DMD: variants seen among roughly 807,000 people sequenced by gnomAD.
DMD encodes the protein mutant dystrophin.
A neutral mutation model predicts 330.1 loss-of-function variants in DMD; 63 were observed. That is an observed-to-expected ratio of 0.19 (90% CI 0.16 to 0.24). The LOEUF (loss-of-function observed/expected upper bound fraction) is 0.24, where lower values mean the gene tolerates loss of function less well. DMD is among the 10% of genes least tolerant of loss of function. The pLI, the probability that DMD is intolerant of heterozygous loss-of-function variation, is 1.00. For missense variants in DMD, 3,344 were observed against 2,684.1 expected (o/e 1.25, Z -5.43); for synonymous variants, 1,223 against 959.8 (o/e 1.27, Z -5.07).
chrX:32,084,905 G>A (rs2096419302), intron 44 of DMD, among the ~76,000 whole-genome samples: 2 of 111,135 alleles, frequency 1.8e-5, no homozygotes, highest in Non-Finnish European at 3.8e-5. Context: ...GAGCTGAGAG[G>A]CGCAGAGAAG....
intron 63 of DMD, 61 bp from the exon 64 acceptor site, chrX:31,223,182 C>G (rs1007120117): frequency 3.0e-5 from 31 of 1,026,149 alleles, no homozygotes; most frequent in Non-Finnish European, 3.6e-5. Context: ...ACAACCCACC[C>G]CCGACGCCCA....
chrX:32,698,335 A>C (rs1421430386), intron 8 of DMD, among the ~76,000 whole-genome samples: 1 of 111,457 alleles, frequency 9.0e-6, no homozygotes, highest in African/African-American at 3.3e-5. Context: ...TCTAAATCCA[A>C]AGTAAATAAA....
rs7888825 is a variant in DMD, at chrX:32,463,896, C to T, written c.3277-302G>A. Among the ~76,000 whole-genome samples, 6,510 of 111,367 alleles carry T rather than the reference C, an allele frequency of 0.058. 493 individuals carry two copies. Among genetic ancestry groups the T allele is most frequent in the African/African-American group, 0.2 (6,147 of 30,525 alleles). On this transcript the variant is annotated intron_variant, in intron 24 of 78. Coordinates refer to ENST00000357033, the MANE Select transcript of DMD (RefSeq NM_004006.3). ...ATGTGTGAAAATGATGGGCTTCATA[C>T]TTTATTATCTTTGTTAGTATTTTCA...
At chrX:31,440,397 C>A (rs55916409) in intron 60 of DMD, among the ~76,000 whole-genome samples, 7,895 of 111,018 alleles carry the variant, frequency 0.071, 238 homozygotes, top group East Asian at 0.2. Flanking sequence ...GATCCACCCG[C>A]CTCACCCTCC....
intron 60 of DMD, among the ~76,000 whole-genome samples, chrX:31,408,711 TTTTTGTTTTG>T (rs201114840): frequency 0.4 from 43,648 of 108,884 alleles, 7,209 homozygotes; most frequent in East Asian, 0.75. Context: ...TTTGAACTTT[TTTTTGTTTTG>T]TTTTGTTTTG....
At chrX:32,802,632 T>G (rs2076661378) in intron 7 of DMD, among the ~76,000 whole-genome samples, 1 of 111,691 alleles carries the variant, frequency 9.0e-6, no homozygotes, top group Non-Finnish European at 1.9e-5. Flanking sequence ...TAGCTCTTAT[T>G]TTGAGACACA....
At chrX:32,565,936 T>C in intron 15 of DMD, 55 bp from the exon 16 acceptor site, 1 of 1,040,886 alleles carries the variant, frequency 9.6e-7, no homozygotes. Flanking sequence ...CATACACCAC[T>C]ATAGTTCAAT....
chrX:33,081,529 C>G (rs780328023), intron 1 of DMD, among the ~76,000 whole-genome samples: 3 of 112,281 alleles, frequency 2.7e-5, no homozygotes, highest in African/African-American at 9.7e-5. Context: ...CCTCCTCGGC[C>G]TCCCAAAGTG....
intron 74 of DMD, among the ~76,000 whole-genome samples, chrX:31,149,225 A>G (rs1272951303): frequency 8.9e-6 from 1 of 111,844 alleles, no homozygotes; most frequent in Non-Finnish European, 1.9e-5. Context: ...TGGTCCATCT[A>G]TTTCCCACTG....
intron 44 of DMD, among the ~76,000 whole-genome samples, chrX:32,055,920 T>G (rs1335492389): frequency 9.0e-6 from 1 of 111,044 alleles, no homozygotes; most frequent in South Asian, 3.7e-4. Flanking sequence ...AACAAAGAAA[T>G]CTTTCTTTTT....
rs2053888066 is a variant in DMD at position 31,293,218 on chromosome X, T to TGTAGTCTGGTTTA, written c.9224+30379_9224+30380insTAAACCAGACTAC. 5.2e-5 allele frequency among the ~76,000 whole-genome samples: 5 copies of TGTAGTCTGGTTTA among 95,912 alleles called. 1 individual carries two copies. The highest frequency in any genetic ancestry group is 1.3e-4 in the African/African-American group (3 of 22,723). The allele number at this position is 95,912 out of a possible 115,157, so 83.3% of individuals were successfully genotyped here. On this transcript the variant is annotated intron_variant, in intron 62 of 78. Coordinates refer to ENST00000357033, the MANE Select transcript of DMD (RefSeq NM_004006.3). ...TAGTCTGGTTTAGTGTGTGTGTGTGTGTGTGTGTGTGTGTGTGTGTGTGTG... is the reference window on the plus strand; with the variant it reads ...TAGTCTGGTTTAGTGTGTGTGTGTGTGTAGTCTGGTTTAGTGTGTGTGTGTGTGTGTGTGTGTG...
chrX:32,032,596 C>T (rs1187073754), intron 44 of DMD, among the ~76,000 whole-genome samples: 1 of 108,220 alleles, frequency 9.2e-6, no homozygotes, highest in Non-Finnish European at 1.9e-5. Context: ...CCAATTTAGG[C>T]CATCTACACA....
At chrX:31,273,993 A>C (rs1160691680) in intron 62 of DMD, among the ~76,000 whole-genome samples, 2 of 112,473 alleles carry the variant, frequency 1.8e-5, no homozygotes, top group Admixed American at 1.9e-4. Context: ...CCTGTCAGGC[A>C]GGTATGATTT....
At chrX:33,253,129 A>G (rs1374238007) in intron 1 of DMD, among the ~76,000 whole-genome samples, 2 of 111,912 alleles carry the variant, frequency 1.8e-5, no homozygotes, top group Non-Finnish European at 3.8e-5. Context: ...TGATCATTAT[A>G]CATTACATAA....
chrX:32,232,267 T>C (rs2097171714), intron 43 of DMD, among the ~76,000 whole-genome samples: 1 of 111,978 alleles, frequency 8.9e-6, no homozygotes, highest in Admixed American at 9.5e-5. Flanking sequence ...AAAATAGAGA[T>C]ACAGTAATTA....
chrX:31,710,678 C>T (rs898439407), intron 52 of DMD, among the ~76,000 whole-genome samples: 2 of 111,360 alleles, frequency 1.8e-5, no homozygotes, highest in Non-Finnish European at 3.8e-5. Context: ...ATTATTATTT[C>T]TTCTTTCAAA....
intron 52 of DMD, among the ~76,000 whole-genome samples, chrX:31,722,566 A>G (rs1026160115): frequency 1.8e-5 from 2 of 111,668 alleles, no homozygotes; most frequent in African/African-American, 6.5e-5. Context: ...AGTAATGGCT[A>G]ATTTCCCTGG....
At chrX:32,190,234 C>T (rs1319606849) in intron 44 of DMD, among the ~76,000 whole-genome samples, 1 of 110,427 alleles carries the variant, frequency 9.1e-6, no homozygotes, top group African/African-American at 3.3e-5. Flanking sequence ...AGAAACATTG[C>T]CGTAGATCAA....
intron 9 of DMD, among the ~76,000 whole-genome samples, chrX:32,661,985 G>C (rs999159007): frequency 1.8e-5 from 2 of 111,378 alleles, no homozygotes; most frequent in Admixed American, 1.9e-4. Flanking sequence ...CAACTTATTT[G>C]TTCTACTTTG....
Sources: gnomAD v4.1 joint callset for allele counts (sites outside exome capture counted in the v4.1 genomes callset) on GRCh38, gnomAD v4.1.1 for gene constraint, MANE v1.5 for transcripts, NCBI Gene and HGNC (gene_info 2026-07-23, HGNC 2026-07-21) for gene names.